The following SLC17A5 variants were observed in gnomAD, a reference collection of about 807,000 sequenced individuals.
SLC17A5 encodes the protein sialin.
In SLC17A5, 47 loss-of-function variants were observed where a neutral mutation model predicts 59.4. That is an observed-to-expected ratio of 0.79 (90% CI 0.63 to 1.01). The LOEUF is 1.01. SLC17A5 is among the 50% of genes least tolerant of loss of function. The probability of loss-of-function intolerance (pLI) is 0.00; values close to 1 mark genes in which losing one functional copy is unlikely to be tolerated. For synonymous variants in SLC17A5, 202 were observed against 210.7 expected (o/e 0.96, Z 0.36); for missense variants, 522 against 595.5 (o/e 0.88, Z 1.28).
At chr6:73,646,998 C>T (rs1769608636) in intron 1 of SLC17A5, among the ~76,000 whole-genome samples, 1 of 152,062 alleles carries the variant, frequency 6.6e-6, no homozygotes. Context: ...TTTATCATTG[C>T]TCTGTGTCAG....
chr6:73,594,856 G>T lies in SLC17A5; in HGVS notation c.*221C>A. 3.6e-6 allele frequency: 2 copies of T among 555,682 alleles called. No individual in the cohort carries two copies. Among genetic ancestry groups the T allele is most frequent in the Non-Finnish European group, 6.3e-6 (2 of 315,234 alleles). 34.4% of individuals were successfully genotyped at this position (555,682 alleles called of 1,614,324 possible). The stretch of plus-strand genomic sequence containing the variant: ...TTGCCCGACTAGCAGGCAGGTATGT[G>T]AACCTAAAGTAGAAGTCCTAGCTTA... On this transcript the variant is annotated 3_prime_UTR_variant, in exon 11 of 11. Transcript: ENST00000355773.
chr6:73,621,767 CTATA>C (rs748029048), intron 7 of SLC17A5, 33 bp downstream of exon 7: 1 of 1,459,284 alleles, frequency 6.9e-7, no homozygotes, highest in Non-Finnish European at 9.6e-7. Flanking sequence ...TGGTCTTATA[CTATA>C]TATATAAGAA....
intron 8 of SLC17A5, among the ~76,000 whole-genome samples, chr6:73,612,427 G>A (rs1365394878): frequency 6.6e-6 from 1 of 152,076 alleles, no homozygotes; most frequent in African/African-American, 2.4e-5. Flanking sequence ...CCAAAGTGCT[G>A]GGATTACAGG....
chr6:73,623,956 CA>C (rs1456817455), intron 6 of SLC17A5, among the ~76,000 whole-genome samples: 5 of 152,064 alleles, frequency 3.3e-5, no homozygotes, highest in African/African-American at 1.2e-4. Context: ...CTCAGCCTCC[CA>C]AAGTGCTGGG....
intron 7 of SLC17A5, among the ~76,000 whole-genome samples, chr6:73,616,362 A>C (rs898869381): frequency 6.6e-6 from 1 of 152,146 alleles, no homozygotes; most frequent in Non-Finnish European, 1.5e-5. Flanking sequence ...ACATCACCCA[A>C]ATGTACATCC....
At position 73,618,263 on chromosome 6, in the gene SLC17A5, T is replaced by TAAAAC. The variant is rs141128405; in HGVS notation, c.979-2817_979-2816insGTTTT. The TAAAAC allele has an allele frequency of 4.7e-5, 5 of 106,926 alleles. No individual in the cohort carries two copies. The Admixed American group carries it at 4.9e-4, about 10-fold the overall frequency. 6.6% of individuals were successfully genotyped at this position (106,926 alleles called of 1,614,324 possible). A position where few individuals can be genotyped will look rare whatever the true frequency, so the allele number is the denominator to read the frequency against. On this transcript the variant is annotated intron_variant, in intron 7 of 10. Transcript: ENST00000355773. ...TAAAATGAAATAAAATAAAATAAAATAAAATAAAATAAAATAAAATAAAAT... is the reference window on the plus strand; with the variant it reads ...TAAAATGAAATAAAATAAAATAAAATAAAACAAAATAAAATAAAATAAAATAAAAT...
rs139255194 is a variant in SLC17A5 at position 73,653,854 on chromosome 6, G to A, written c.33C>T (p.Asn11=). 8.6e-4 allele frequency: 1,388 copies of A among 1,607,292 alleles called. 9 individuals carry two copies. In the African/African-American group the frequency reaches 0.014, roughly 16 times the overall value. The part of the protein sequence containing the change: MRSPVRDLAR[N]DGEESTDRTP... ...TGCGGTCCGTGCTCTCCTCGCCATC[G>A]TTCCGGGCCAGGTCTCGAACCGGAG... is the stretch of plus-strand genomic sequence containing the variant. Residue 11 remains asparagine (N), a synonymous_variant, in exon 1 of 11, where the codon AAC becomes AAT. Transcript: ENST00000355773.
intron 1 of SLC17A5, chr6:73,653,487 TGCACCGCC>T: frequency 1.0e-6 from 1 of 979,744 alleles, no homozygotes; most frequent in Non-Finnish European, 1.2e-6. Context: ...CAGCGCCGGC[TGCACCGCC>T]GCTCCCCCGC....
intron 7 of SLC17A5, 107 bp downstream of exon 7, chr6:73,621,697 G>T: frequency 2.2e-6 from 2 of 899,748 alleles, no homozygotes; most frequent in Non-Finnish European, 3.5e-6. Context: ...TAGGACAGCA[G>T]AGTAAAATGG....
At chr6:73,596,820 G>A (rs942716615) in intron 10 of SLC17A5, among the ~76,000 whole-genome samples, 1 of 149,278 alleles carries the variant, frequency 6.7e-6, no homozygotes, top group Non-Finnish European at 1.5e-5. Flanking sequence ...TCGCTCCACT[G>A]CACTCCAGCT....
chr6:73,652,538 T>C (rs912638750), intron 1 of SLC17A5, among the ~76,000 whole-genome samples: 7 of 152,248 alleles, frequency 4.6e-5, no homozygotes, highest in Non-Finnish European at 7.3e-5. Flanking sequence ...TATTTTTCAA[T>C]TGTAACAATG....
intron 6 of SLC17A5, among the ~76,000 whole-genome samples, chr6:73,634,283 A>G (rs1373173767): frequency 6.6e-6 from 1 of 152,240 alleles, no homozygotes; most frequent in Non-Finnish European, 1.5e-5. Flanking sequence ...AATGACACTC[A>G]TTTAAAATAT....
intron 3 of SLC17A5, among the ~76,000 whole-genome samples, chr6:73,640,335 A>G (rs775827758): frequency 6.6e-6 from 1 of 152,264 alleles, no homozygotes; most frequent in African/African-American, 2.4e-5. Context: ...AAATAAAAAC[A>G]TTCAGATGAA....
chr6:73,638,051 C>CT (rs1006401784), intron 4 of SLC17A5, among the ~76,000 whole-genome samples: 22 of 150,022 alleles, frequency 1.5e-4, no homozygotes, highest in East Asian at 3.9e-4. Flanking sequence ...AGCTACTGGC[C>CT]TTTTTTTTTC....
At chr6:73,607,940 C>A (rs1052170627) in intron 9 of SLC17A5, among the ~76,000 whole-genome samples, 2 of 151,516 alleles carry the variant, frequency 1.3e-5, no homozygotes, top group African/African-American at 2.4e-5. Context: ...TCACACCCTG[C>A]TAATTTTTGT....
chr6:73,646,865 G>A (rs1288745855), intron 1 of SLC17A5, among the ~76,000 whole-genome samples: 1 of 151,944 alleles, frequency 6.6e-6, no homozygotes, highest in Admixed American at 6.6e-5. Context: ...TTGTAGAGTC[G>A]GGGTCTCACT....
intron 7 of SLC17A5, among the ~76,000 whole-genome samples, chr6:73,621,165 C>T (rs889280156): frequency 6.6e-6 from 1 of 152,050 alleles, no homozygotes; most frequent in Admixed American, 6.6e-5. Context: ...ACTACCACGC[C>T]TGGTTAATTT....
chr6:73,621,431 A>C (rs1768147469), intron 7 of SLC17A5, among the ~76,000 whole-genome samples: 1 of 152,152 alleles, frequency 6.6e-6, no homozygotes, highest in Non-Finnish European at 1.5e-5. Context: ...GAGCCACTAC[A>C]CCCGGCCTGA....
chr6:73,643,867 A>G (rs1769416985), intron 2 of SLC17A5, among the ~76,000 whole-genome samples: 1 of 152,220 alleles, frequency 6.6e-6, no homozygotes, highest in Admixed American at 6.5e-5. Context: ...TATATAACTT[A>G]ATTATAAACA....
Sources: allele counts gnomAD v4.1 joint callset (sites outside exome capture counted in the v4.1 genomes callset), GRCh38; gene constraint gnomAD v4.1.1; transcripts MANE v1.5; gene names NCBI Gene and HGNC (gene_info 2026-07-23, HGNC 2026-07-21).